Variants in KATNAL2 observed in about 807,000 individuals in gnomAD.
KATNAL2 encodes the protein katanin catalytic subunit A1 like 2, also known as katanin p60 ATPase-containing subunit A-like 2.
Under a neutral mutation model 76.3 loss-of-function variants are expected in KATNAL2, and 52 were observed. The observed-to-expected ratio is 0.68, with a 90% CI of 0.55 to 0.86. The LOEUF (loss-of-function observed/expected upper bound fraction) is 0.86, where lower values mean the gene tolerates loss of function less well. KATNAL2 is among the 40% of genes least tolerant of loss of function. The pLI, the probability that KATNAL2 is intolerant of heterozygous loss-of-function variation, is 0.00. For missense variants in KATNAL2, 660 were observed against 668.9 expected, an observed-to-expected ratio of 0.99 and a Z score of 0.15; for synonymous variants, 243 against 244.2, an observed-to-expected ratio of 1.00 and a Z score of 0.05.
chr18:46,932,751 A>C (rs894017163), intron 1 of KATNAL2, among the ~76,000 whole-genome samples: 27 of 150,960 alleles, frequency 1.8e-4, no homozygotes, highest in Non-Finnish European at 3.2e-4. Context: ...AAAACCAGGC[A>C]AAGGTAGTTT....
chr18:47,094,792 G>A (rs2063156699), intron 15 of KATNAL2, among the ~76,000 whole-genome samples: 1 of 152,196 alleles, frequency 6.6e-6, no homozygotes, highest in African/African-American at 2.4e-5. Flanking sequence ...CTTCAGTACA[G>A]TACACTATTT....
At chr18:47,032,337 G>C (rs1231374782) in intron 3 of KATNAL2, among the ~76,000 whole-genome samples, 1 of 152,168 alleles carries the variant, frequency 6.6e-6, no homozygotes. Flanking sequence ...ACCTCTACTT[G>C]CCCAGCTCAG....
rs199767996 is a variant in KATNAL2, at chr18:47,099,392, G to C, written c.1361G>C (p.Ser454Thr). The change falls in exon 16 of 18, where the codon AGT (serine) becomes ACT (threonine). Residue 454 changes from serine to threonine, a missense_variant. Coordinates refer to ENST00000683218, the MANE Select transcript of KATNAL2 (RefSeq NM_001387690.1). ...GAGCTGCACACAGAGCTGGAGTACAGTGTGCTGAGCCAGGTCAGCTGCCCT... is the reference window on the plus strand; with the variant it reads ...GAGCTGCACACAGAGCTGGAGTACACTGTGCTGAGCCAGGTCAGCTGCCCT... ...ALELHTELEY[S>T]VLSQETEGYS... 6 of 1,612,524 alleles carry C rather than the reference G, an allele frequency of 3.7e-6. No homozygotes were observed. Among genetic ancestry groups the C allele is most frequent in the Middle Eastern group, 1.6e-4 (1 of 6,080 alleles).
rs1467715497 is a variant in KATNAL2 at position 47,100,924 on chromosome 18, T to A, written c.1536T>A (p.Asp512Glu). ...TAGTAACCACTGCCGACTTTCTGGA[T>A]GTGCTAACTCACACCAAGCCCTCCG... is the stretch of plus-strand genomic sequence containing the variant. ...LDIVTTADFL[D>E]VLTHTKPSAK... is the part of the protein sequence containing the mutation. Residue 512 changes from aspartate to glutamate, a missense_variant, in exon 18 of 18, where the codon GAT becomes GAA. Asp to Glu is a conservative substitution (Grantham distance 45). Coordinates refer to ENST00000683218, the MANE Select transcript of KATNAL2 (RefSeq NM_001387690.1). The A allele has an allele frequency of 3.7e-6, 6 of 1,614,144 alleles. No individual in the cohort carries two copies. In the South Asian group the frequency reaches 5.5e-5, roughly 15 times the overall value.
chr18:46,919,974 C>T (rs980496351), intron 1 of KATNAL2: 3 of 888,718 alleles, frequency 3.4e-6, no homozygotes, highest in Admixed American at 4.7e-5. Flanking sequence ...TACAGCCCTG[C>T]CACAGAGGAG....
chr18:46,954,315 T>G (rs886195055), intron 3 of KATNAL2, among the ~76,000 whole-genome samples: 1 of 150,928 alleles, frequency 6.6e-6, no homozygotes, highest in Non-Finnish European at 1.5e-5. Flanking sequence ...CTTCTTCTTC[T>G]TCTTCTTCGT....
intron 1 of KATNAL2, among the ~76,000 whole-genome samples, chr18:46,936,679 C>T (rs926146611): frequency 6.6e-5 from 10 of 152,246 alleles, no homozygotes; most frequent in South Asian, 2.1e-4. Context: ...GGGCCAGACA[C>T]GGTGACTTAT....
intron 14 of KATNAL2, 119 bp downstream of exon 14, chr18:47,075,487 G>A: frequency 3.2e-6 from 2 of 624,866 alleles, no homozygotes; most frequent in Non-Finnish European, 4.9e-6. Flanking sequence ...CCATTAATAA[G>A]CCCACAAATT....
At chr18:47,080,705 CTTG>C (rs1458546801) in intron 15 of KATNAL2, among the ~76,000 whole-genome samples, 64 of 152,292 alleles carry the variant, frequency 4.2e-4, no homozygotes, top group African/African-American at 1.5e-3. Context: ...CTCGCTAACG[CTTG>C]TTATTATATG....
chr18:47,076,344 G>A (rs1473332685), intron 14 of KATNAL2: 1 of 152,120 alleles, frequency 6.6e-6, no homozygotes, highest in Admixed American at 6.5e-5. Flanking sequence ...ACTGGAGCTG[G>A]TGCTTGTCAG....
At chr18:46,950,872 C>A (rs974957930) in intron 3 of KATNAL2, among the ~76,000 whole-genome samples, 2 of 152,096 alleles carry the variant, frequency 1.3e-5, no homozygotes, top group African/African-American at 2.4e-5. Flanking sequence ...TTAGTAGAGA[C>A]GGAGTTTCTC....
chr18:47,031,440 G>A (rs1190102976), intron 3 of KATNAL2, among the ~76,000 whole-genome samples: 3 of 151,976 alleles, frequency 2.0e-5, no homozygotes, highest in African/African-American at 7.3e-5. Context: ...TGTGTGTTGT[G>A]GTGGGGGCGG....
chr18:46,941,914 C>T (rs2059257327), intron 1 of KATNAL2, among the ~76,000 whole-genome samples: 1 of 152,094 alleles, frequency 6.6e-6, no homozygotes, highest in South Asian at 2.1e-4. Flanking sequence ...CACACTTGGA[C>T]AGGGGAGGGG....
At chr18:47,052,505 G>T (rs1324972802) in intron 4 of KATNAL2, among the ~76,000 whole-genome samples, 5 of 152,202 alleles carry the variant, frequency 3.3e-5, no homozygotes, top group African/African-American at 9.7e-5. Flanking sequence ...GAATACCTGT[G>T]AATAAAGAGG....
intron 15 of KATNAL2, among the ~76,000 whole-genome samples, chr18:47,088,708 C>A (rs1015177011): frequency 6.6e-6 from 1 of 152,192 alleles, no homozygotes; most frequent in East Asian, 1.9e-4. Context: ...GGACCACAGA[C>A]GTGTGCCACC....
chr18:46,952,516 C>T lies in KATNAL2; in HGVS notation c.51+5593C>T, dbSNP rs375765897. ...CCGGGTTCAAGCGATTCTCCTGTCTCAGCCTCCCGAGTAGCTGGGACTCTA... is the reference window on the plus strand; with the variant it reads ...CCGGGTTCAAGCGATTCTCCTGTCTTAGCCTCCCGAGTAGCTGGGACTCTA... On this transcript the variant is annotated intron_variant, in intron 3 of 17. Coordinates refer to ENST00000683218, the MANE Select transcript of KATNAL2 (RefSeq NM_001387690.1). Among the ~76,000 whole-genome samples the T allele has an allele frequency of 2.6e-4, 39 of 149,344 alleles. No homozygotes were observed. The East Asian group carries it at 6.2e-3, about 24-fold the overall frequency.
intron 4 of KATNAL2, among the ~76,000 whole-genome samples, chr18:47,052,475 T>C (rs1484869152): frequency 6.6e-6 from 1 of 152,228 alleles, no homozygotes; most frequent in Non-Finnish European, 1.5e-5. Context: ...TTTATCATTT[T>C]GCCAAATGTT....
intron 16 of KATNAL2, among the ~76,000 whole-genome samples, chr18:47,100,015 T>C (rs1045720697): frequency 2.0e-5 from 3 of 152,166 alleles, no homozygotes; most frequent in Admixed American, 6.5e-5. Flanking sequence ...TTCACTGGCA[T>C]CTTACAGCAT....
chr18:47,100,366 G>A lies in KATNAL2; in HGVS notation c.1477+10G>A. 2 of 1,604,786 alleles carry A rather than the reference G, an allele frequency of 1.2e-6. No individual in the cohort carries two copies. The highest frequency in any genetic ancestry group is 1.7e-6 in the Non-Finnish European group (2 of 1,171,720). ...GAAAATCACCAGTCAGGTATGGGTT[G>A]GATCACCATGAAGGTGTTCCAGGAA... On this transcript the variant is annotated intron_variant, in intron 17 of 17. Transcript: ENST00000683218.
Sources: gnomAD v4.1 joint callset for allele counts (sites outside exome capture counted in the v4.1 genomes callset) on GRCh38, gnomAD v4.1.1 for gene constraint, MANE v1.5 for transcripts, NCBI Gene and HGNC (gene_info 2026-07-23, HGNC 2026-07-21) for gene names.